Variants in JAM2 observed in about 807,000 individuals in gnomAD.
The protein encoded by JAM2 is junctional adhesion molecule B.
A neutral mutation model predicts 42.0 loss-of-function variants in JAM2; 17 were observed. The ratio of observed to expected loss-of-function variants is 0.40; its 90% CI spans 0.28 to 0.61. The LOEUF is 0.61. Ranked by LOEUF, JAM2 falls within the 20% of genes least tolerant of loss-of-function variation. The pLI, the probability that JAM2 is intolerant of heterozygous loss-of-function variation, is 0.37. For missense variants in JAM2, 319 were observed against 358.3 expected (o/e 0.89, Z 0.89); for synonymous variants, 118 against 128.6 (o/e 0.92, Z 0.56).
intron 1 of JAM2, among the ~76,000 whole-genome samples, chr21:25,668,677 T>G (rs1374203801): frequency 6.6e-6 from 1 of 152,198 alleles, no homozygotes; most frequent in Non-Finnish European, 1.5e-5. Context: ...GTGATAGGCA[T>G]TTGGATCTGA....
intron 1 of JAM2, among the ~76,000 whole-genome samples, chr21:25,662,999 A>G (rs548921958): frequency 6.6e-6 from 1 of 152,338 alleles, no homozygotes; most frequent in Admixed American, 6.5e-5. Flanking sequence ...TTGACTCTGT[A>G]TGGGAGGACA....
intron 2 of JAM2, among the ~76,000 whole-genome samples, chr21:25,685,524 C>CAAAAAAA (rs776114627): frequency 2.0e-5 from 1 of 50,424 alleles, no homozygotes; most frequent in African/African-American, 9.1e-5. Flanking sequence ...GAGAATGTCT[C>CAAAAAAA]AAAAAAAAAA....
intron 1 of JAM2, among the ~76,000 whole-genome samples, chr21:25,655,779 A>AG (rs2032922360): frequency 6.7e-6 from 1 of 149,006 alleles, no homozygotes; most frequent in South Asian, 2.1e-4. Flanking sequence ...TACAGGTGTG[A>AG]GCCACCGTGC....
intron 1 of JAM2, among the ~76,000 whole-genome samples, chr21:25,641,270 GAA>G (rs1225018785): frequency 1.3e-5 from 2 of 152,192 alleles, no homozygotes; most frequent in Non-Finnish European, 2.9e-5. Context: ...ATTTCAAATA[GAA>G]AAGAGTGTGC....
chr21:25,648,195 A>T (rs143418841), intron 1 of JAM2, among the ~76,000 whole-genome samples: 53 of 150,066 alleles, frequency 3.5e-4, no homozygotes, highest in African/African-American at 1.3e-3. Context: ...TGGGCAACAC[A>T]GCAAGATTCT....
At chr21:25,650,645 A>T (rs1025158260) in intron 1 of JAM2, among the ~76,000 whole-genome samples, 2 of 152,232 alleles carry the variant, frequency 1.3e-5, no homozygotes, top group African/African-American at 2.4e-5. Context: ...TATTAATCAT[A>T]AAACATATAA....
At chr21:25,648,607 A>C (rs1031069795) in intron 1 of JAM2, among the ~76,000 whole-genome samples, 16 of 152,184 alleles carry the variant, frequency 1.1e-4, no homozygotes, top group African/African-American at 3.9e-4. Context: ...CTAACTCCAA[A>C]ATTCCTTGCG....
At chr21:25,705,809 A>G (rs1292854494) in intron 6 of JAM2, among the ~76,000 whole-genome samples, 170 bp from the exon 7 acceptor site, 5 of 152,204 alleles carry the variant, frequency 3.3e-5, no homozygotes, top group African/African-American at 4.8e-5. Context: ...TTTTTAATCA[A>G]TTTTGAACCA....
intron 1 of JAM2, among the ~76,000 whole-genome samples, chr21:25,675,570 G>GGGAA (rs1205065966): frequency 3.0e-4 from 44 of 146,724 alleles, no homozygotes; most frequent in East Asian, 4.0e-4. Flanking sequence ...GAAGGAAGGA[G>GGGAA]GGAAGGAAGG....
At chr21:25,671,672 A>T (rs1207760369) in intron 1 of JAM2, among the ~76,000 whole-genome samples, 1 of 151,788 alleles carries the variant, frequency 6.6e-6, no homozygotes, top group Non-Finnish European at 1.5e-5. Flanking sequence ...CACCTGGCTA[A>T]TTTTTTGTAT....
chr21:25,682,910 C>G (rs925111738), intron 1 of JAM2, among the ~76,000 whole-genome samples: 10 of 152,074 alleles, frequency 6.6e-5, no homozygotes, highest in Admixed American at 6.6e-4. Context: ...TCAGACGTCT[C>G]TCCTCATCTA....
intron 8 of JAM2, chr21:25,710,328 C>T (rs1311279225): frequency 6.6e-6 from 1 of 152,084 alleles, no homozygotes; most frequent in Non-Finnish European, 1.5e-5. Context: ...AAAAACCCCA[C>T]AAAACTCTGC....
chr21:25,702,129 A>G, intron 5 of JAM2, 41 bp from the exon 6 acceptor site: 1 of 1,114,820 alleles, frequency 9.0e-7, no homozygotes, highest in Non-Finnish European at 1.3e-6. Flanking sequence ...CTACTTATAG[A>G]TCTATGGCTT....
chr21:25,685,735 C>T (rs934025740), intron 2 of JAM2, among the ~76,000 whole-genome samples: 1 of 152,056 alleles, frequency 6.6e-6, no homozygotes. Context: ...GACTATGGAG[C>T]ACCTCCAGGA....
At chr21:25,660,711 TATC>T (rs1230633080) in intron 1 of JAM2, among the ~76,000 whole-genome samples, 1 of 142,704 alleles carries the variant, frequency 7.0e-6, no homozygotes, top group Non-Finnish European at 1.5e-5. Flanking sequence ...TGGACAGTCT[TATC>T]ATATAACTAA....
intron 1 of JAM2, 139 bp from the exon 2 acceptor site, chr21:25,683,744 C>T (rs2033688867): frequency 1.6e-6 from 1 of 608,634 alleles, no homozygotes; most frequent in Non-Finnish European, 2.9e-6. Flanking sequence ...TATTTTGATC[C>T]TTTAAAACTA....
At chr21:25,660,093 GT>G (rs2033038072) in intron 1 of JAM2, among the ~76,000 whole-genome samples, 1 of 151,960 alleles carries the variant, frequency 6.6e-6, no homozygotes, top group African/African-American at 2.4e-5. Context: ...TAATTTTTTT[GT>G]ATTTTTAGTA....
chr21:25,709,665 G>T, intron 8 of JAM2: 1 of 387,236 alleles, frequency 2.6e-6, no homozygotes. Context: ...GTAAAAAGAG[G>T]TTTAATTGGC....
chr21:25,714,723 A>AAAC lies in JAM2; in HGVS notation c.*52_*54dup. 8.4e-7 allele frequency: 1 copy of AAAC among 1,196,286 alleles called. No homozygotes were observed. The highest frequency in any genetic ancestry group is 1.2e-6 in the Non-Finnish European group (1 of 860,358). 74.1% of individuals were successfully genotyped at this position (1,196,286 alleles called of 1,614,324 possible). On this transcript the variant is annotated 3_prime_UTR_variant, in exon 10 of 10. Coordinates refer to ENST00000480456, the MANE Select transcript of JAM2 (RefSeq NM_021219.4). ...AGCCACCGTTGTTACACAAGTTATTAAACTATTATAAAACTCTGCTTTGTC... is the reference window on the plus strand; with the variant it reads ...AGCCACCGTTGTTACACAAGTTATTAAACAACTATTATAAAACTCTGCTTTGTC...
Sources: allele counts gnomAD v4.1 joint callset (sites outside exome capture counted in the v4.1 genomes callset), GRCh38; gene constraint gnomAD v4.1.1; transcripts MANE v1.5; gene names NCBI Gene and HGNC (gene_info 2026-07-23, HGNC 2026-07-21).